RYR2: variants seen among roughly 807,000 people sequenced by gnomAD.
The protein encoded by RYR2 is cardiac muscle ryanodine receptor-calcium release channel.
A neutral mutation model predicts 601.1 loss-of-function variants in RYR2; 227 were observed. The ratio of observed to expected loss-of-function variants is 0.38; its 90% CI spans 0.34 to 0.42. RYR2 has a LOEUF of 0.42. RYR2 is among the 10% of genes least tolerant of loss of function. The pLI is 1.00. For missense variants in RYR2, 4,646 were observed against 6,156.5 expected, an observed-to-expected ratio of 0.75 and a Z score of 8.21; for synonymous variants, 2,223 against 2,175.1, an observed-to-expected ratio of 1.02 and a Z score of -0.61.
At chr1:237,380,444 T>TATGAA (rs1318665682) in intron 8 of RYR2, among the ~76,000 whole-genome samples, 2 of 121,846 alleles carry the variant, frequency 1.6e-5, no homozygotes, top group African/African-American at 3.3e-5. Context: ...GTCTGGTGAG[T>TATGAA]ATGAACCTGG....
chr1:237,381,012 A>G (rs1701463638), intron 8 of RYR2, among the ~76,000 whole-genome samples: 2 of 152,122 alleles, frequency 1.3e-5, no homozygotes, highest in South Asian at 4.1e-4. Context: ...CAGGAGGCAG[A>G]TGTTGCAGTG....
intron 1 of RYR2, among the ~76,000 whole-genome samples, chr1:237,131,778 T>C (rs2148706200): frequency 6.6e-6 from 1 of 152,166 alleles, no homozygotes; most frequent in Middle Eastern, 3.4e-3. Flanking sequence ...TGTAGTGCAG[T>C]GGCACGATCA....
chr1:237,727,254 G>A (rs1434407325), intron 76 of RYR2, 55 bp downstream of exon 76: 2 of 843,398 alleles, frequency 2.4e-6, no homozygotes, highest in Non-Finnish European at 1.8e-6. Flanking sequence ...CCTAGTAAGT[G>A]ACAGGTGTTT....
At chr1:237,107,393 C>G (rs546756850) in intron 1 of RYR2, among the ~76,000 whole-genome samples, 1 of 150,892 alleles carries the variant, frequency 6.6e-6, no homozygotes, top group African/African-American at 2.4e-5. Context: ...TGGTGGCGGG[C>G]GCCTGTAGTC....
At chr1:237,617,729 CAG>C (rs1678629785) in intron 38 of RYR2, among the ~76,000 whole-genome samples, 3 of 152,238 alleles carry the variant, frequency 2.0e-5, no homozygotes, top group East Asian at 3.9e-4. Context: ...CAAGATATGC[CAG>C]AGTCTGAAGT....
Position 237,819,243 on chromosome 1 carries a change from T to G in RYR2, c.14590+51T>G. On this transcript the variant is annotated intron_variant, in intron 101 of 104. Coordinates refer to ENST00000366574, the MANE Select transcript of RYR2 (RefSeq NM_001035.3). This position sits in a 1 kb window ranked among gnomAD's most constrained non-coding sequence, Gnocchi z 4.0. ...ATGAACATCTAGAATTTGAGCCACA[T>G]GTTGCTGAAGTTAATATTCAAGGTA... 1.9e-6 allele frequency: 3 copies of G among 1,543,782 alleles called. No homozygotes were observed. In the Admixed American group the frequency reaches 5.0e-5, roughly 26 times the overall value.
chr1:237,654,919 CAT>C (rs1683095725), intron 52 of RYR2, among the ~76,000 whole-genome samples: 1 of 152,166 alleles, frequency 6.6e-6, no homozygotes, highest in African/African-American at 2.4e-5. Flanking sequence ...ATGAATAGTT[CAT>C]ATGTTTTCAG....
chr1:237,711,969 C>A, intron 71 of RYR2, 132 bp downstream of exon 71: 2 of 614,502 alleles, frequency 3.3e-6, no homozygotes, highest in Admixed American at 5.8e-5. Context: ...TAAATTGGTT[C>A]AAATATGCAA....
At chr1:237,367,448 G>GC (rs1209592313) in intron 5 of RYR2, among the ~76,000 whole-genome samples, 2 of 152,024 alleles carry the variant, frequency 1.3e-5, no homozygotes, top group African/African-American at 2.4e-5. Context: ...TTTAATATCT[G>GC]TTTTTAGAAT....
chr1:237,515,719 C>G (rs1431972383), intron 24 of RYR2, among the ~76,000 whole-genome samples: 1 of 782 alleles, frequency 1.3e-3, no homozygotes, highest in Non-Finnish European at 2.6e-3. Flanking sequence ...TCCTTCTTCT[C>G]TTCCTCCTTC....
chr1:237,309,443 C>A (rs1009631034), intron 2 of RYR2, among the ~76,000 whole-genome samples: 4 of 152,002 alleles, frequency 2.6e-5, no homozygotes, highest in Non-Finnish European at 1.5e-5. Context: ...AGATACGGAG[C>A]ACTGATAGGT....
At chr1:237,339,069 T>A (rs1343240638) in intron 3 of RYR2, among the ~76,000 whole-genome samples, 6 of 152,198 alleles carry the variant, frequency 3.9e-5, no homozygotes, top group Non-Finnish European at 7.3e-5. Flanking sequence ...TCTTCTGTAT[T>A]TTAATTCTGT....
intron 12 of RYR2, among the ~76,000 whole-genome samples, chr1:237,435,823 C>T (rs1707297870): frequency 2.6e-5 from 4 of 152,086 alleles, no homozygotes; most frequent in Admixed American, 2.0e-4. Flanking sequence ...AGGGTTCAGC[C>T]AGAGATGCAG....
At position 237,330,925 on chromosome 1, in the gene RYR2, C is replaced by T. The variant is rs1169959388; in HGVS notation, c.216C>T (p.Ser72=). The stretch of plus-strand genomic sequence containing the variant: ...TCTGCACCTTTGTGCTGGAGCAGTC[C>T]CTCTCTGTCCGGGCGCTGCAGGAGA... ...LSICTFVLEQ[S]LSVRALQEML... Residue 72 remains serine, a synonymous_variant, in exon 3 of 105, where the codon TCC becomes TCT. Transcript: ENST00000366574. The T allele has an allele frequency of 6.2e-7, 1 of 1,613,836 alleles. No individual in the cohort carries two copies. The highest frequency in any genetic ancestry group is 8.5e-7 in the Non-Finnish European group (1 of 1,179,882).
At chr1:237,253,106 G>A (rs1687625191) in intron 1 of RYR2, among the ~76,000 whole-genome samples, 1 of 149,182 alleles carries the variant, frequency 6.7e-6, no homozygotes, top group Non-Finnish European at 1.5e-5. Context: ...GGAGATTGCA[G>A]GGAGCTGAGA....
chr1:237,146,287 T>C (rs979373166), intron 1 of RYR2, among the ~76,000 whole-genome samples: 2 of 152,350 alleles, frequency 1.3e-5, no homozygotes, highest in South Asian at 2.1e-4. Context: ...ATTTTTAATT[T>C]AGTGTTTGGC....
At chr1:237,447,754 C>T (rs1657549495) in intron 14 of RYR2, among the ~76,000 whole-genome samples, 2 of 149,820 alleles carry the variant, frequency 1.3e-5, no homozygotes, top group African/African-American at 5.0e-5. Flanking sequence ...TTTCTTCTTT[C>T]TTTCTTTTCT....
At position 237,106,987 on chromosome 1, in the gene RYR2, G is replaced by A. The variant is rs184364859; in HGVS notation, c.48+64418G>A. 6.6e-5 allele frequency among the ~76,000 whole-genome samples: 10 copies of A among 152,236 alleles called. No individual in the cohort carries two copies. The East Asian group carries it at 1.7e-3, about 27-fold the overall frequency. ...AGATTTTAACATATGATTTTGGGGG[G>A]ACTGAGGGACATAAACATTTAGTCT... On this transcript the variant is annotated intron_variant, in intron 1 of 104. Transcript: ENST00000366574. This position sits in a 1 kb window ranked among gnomAD's most constrained non-coding sequence, Gnocchi z 4.4.
At chr1:237,380,415 TATATATA>T (rs1701403572) in intron 8 of RYR2, among the ~76,000 whole-genome samples, 8 of 45,572 alleles carry the variant, frequency 1.8e-4, no homozygotes, top group African/African-American at 6.0e-4. Flanking sequence ...TATATATATA[TATATATA>T]GTAAATACGA....
Sources: gnomAD v4.1 joint callset for allele counts (sites outside exome capture counted in the v4.1 genomes callset) on GRCh38, gnomAD v4.1.1 for gene constraint, Gnocchi (gnomAD v3.1) non-coding constraint, MANE v1.5 for transcripts, NCBI Gene and HGNC (gene_info 2026-07-23, HGNC 2026-07-21) for gene names.